The following ARMC2 variants were observed in gnomAD, a reference collection of about 807,000 sequenced individuals.
The protein encoded by ARMC2 is armadillo repeat containing 2.
Under a neutral mutation model 90.3 loss-of-function variants are expected in ARMC2, and 67 were observed. The ratio of observed to expected loss-of-function variants is 0.74; its 90% CI spans 0.61 to 0.91. The LOEUF (loss-of-function observed/expected upper bound fraction) is 0.91. Among genes scored for constraint, ARMC2 ranks in the 40% least tolerant of loss-of-function variants. The pLI is 0.00. For synonymous variants in ARMC2, 393 were observed against 393.0 expected (o/e 1.00, Z 0.00); for missense variants, 920 against 1,030.9 (o/e 0.89, Z 1.47).
the ARMC2 span, among the ~76,000 whole-genome samples, chr6:108,979,921 G>T: frequency 3.3e-5 from 5 of 151,734 alleles, no homozygotes; most frequent in Non-Finnish European, 7.4e-5. Context: ...TAGCTTACTT[G>T]CATTGGATTA....
chr6:108,851,133 C>A (rs1285301730), intron 1 of ARMC2, among the ~76,000 whole-genome samples: 1 of 152,172 alleles, frequency 6.6e-6, no homozygotes, highest in Non-Finnish European at 1.5e-5. Context: ...TTTGGTTCAG[C>A]CCCAATGGCC....
At chr6:108,866,186 C>T (rs1429916275) in intron 3 of ARMC2, among the ~76,000 whole-genome samples, 1 of 152,146 alleles carries the variant, frequency 6.6e-6, no homozygotes, top group Non-Finnish European at 1.5e-5. Flanking sequence ...AACCACACGT[C>T]TATCTTCAAA....
At chr6:109,009,930 C>A in the ARMC2 span, among the ~76,000 whole-genome samples, 1 of 152,082 alleles carries the variant, frequency 6.6e-6, no homozygotes, top group African/African-American at 2.4e-5. Context: ...TCTGACAGCA[C>A]CAGGAGTAAT....
At chr6:108,859,023 T>G (rs1450763180) in intron 3 of ARMC2, among the ~76,000 whole-genome samples, 1 of 152,256 alleles carries the variant, frequency 6.6e-6, no homozygotes, top group Non-Finnish European at 1.5e-5. Flanking sequence ...TTTCTCTGAC[T>G]GTGATTACAT....
chr6:109,024,582 T>C, the ARMC2 span, among the ~76,000 whole-genome samples: 1 of 152,236 alleles, frequency 6.6e-6, no homozygotes, highest in South Asian at 2.1e-4. Flanking sequence ...AATGGGGTTA[T>C]GACTCAATAA....
chr6:108,998,787 T>G, the ARMC2 span: 1 of 1,580,664 alleles, frequency 6.3e-7, no homozygotes, highest in Non-Finnish European at 8.6e-7. Flanking sequence ...AATATATTTT[T>G]GTACTGGGGT....
intron 4 of ARMC2, among the ~76,000 whole-genome samples, chr6:108,870,784 C>G (rs1776327231): frequency 6.6e-6 from 1 of 152,146 alleles, no homozygotes; most frequent in Admixed American, 6.6e-5. Flanking sequence ...GCCAGTCGAT[C>G]TGATATTTAT....
intron 6 of ARMC2, among the ~76,000 whole-genome samples, chr6:108,898,988 C>T (rs1339699921): frequency 1.3e-5 from 2 of 152,222 alleles, no homozygotes; most frequent in Non-Finnish European, 2.9e-5. Context: ...TAATTATATA[C>T]TGTATATTGC....
At chr6:109,025,852 A>G in the ARMC2 span, among the ~76,000 whole-genome samples, 1 of 152,122 alleles carries the variant, frequency 6.6e-6, no homozygotes, top group Non-Finnish European at 1.5e-5. Context: ...TCTAATACAT[A>G]TATAATTGGA....
the ARMC2 span, among the ~76,000 whole-genome samples, chr6:108,979,980 A>C: frequency 6.6e-6 from 1 of 151,832 alleles, no homozygotes; most frequent in Non-Finnish European, 1.5e-5. Flanking sequence ...CACCTTCTGA[A>C]GCCTATTTCT....
At chr6:109,032,881 T>G in the ARMC2 span, among the ~76,000 whole-genome samples, 1 of 152,224 alleles carries the variant, frequency 6.6e-6, no homozygotes, top group African/African-American at 2.4e-5. Context: ...TTTTTTCTTC[T>G]GCTAAAAGGG....
the ARMC2 span, among the ~76,000 whole-genome samples, chr6:109,007,048 G>C: frequency 4.1e-4 from 62 of 152,160 alleles, no homozygotes; most frequent in African/African-American, 1.5e-3. Context: ...GGTGTGGCTG[G>C]AAGATTAACA....
chr6:108,945,749 G>A (rs1176065667), intron 12 of ARMC2, among the ~76,000 whole-genome samples: 1 of 152,252 alleles, frequency 6.6e-6, no homozygotes, highest in Non-Finnish European at 1.5e-5. Context: ...AACAGTGTGG[G>A]CTGAAAGCAA....
chr6:109,029,087 C>T, the ARMC2 span, among the ~76,000 whole-genome samples: 13,985 of 152,202 alleles, frequency 0.092, 869 homozygotes, highest in Middle Eastern at 0.19. Flanking sequence ...TACTTTTCTA[C>T]CTTCTCTTCT....
intron 13 of ARMC2, among the ~76,000 whole-genome samples, chr6:108,958,537 A>G (rs1216178772): frequency 6.6e-6 from 1 of 152,150 alleles, no homozygotes; most frequent in Non-Finnish European, 1.5e-5. Flanking sequence ...AGACAATAAG[A>G]GCTACCCTGC....
At chr6:108,905,777 G>A (rs1326817997) in intron 8 of ARMC2, among the ~76,000 whole-genome samples, 2 of 152,108 alleles carry the variant, frequency 1.3e-5, no homozygotes, top group Non-Finnish European at 2.9e-5. Flanking sequence ...TGACATTGAC[G>A]GCCTTGCTGA....
the ARMC2 span, among the ~76,000 whole-genome samples, chr6:108,987,792 A>C: frequency 6.6e-6 from 1 of 150,498 alleles, no homozygotes; most frequent in Non-Finnish European, 1.5e-5. Flanking sequence ...TAAATTTCTC[A>C]AAACAGCAGC....
chr6:109,011,375 T>C, the ARMC2 span, among the ~76,000 whole-genome samples: 1 of 152,168 alleles, frequency 6.6e-6, no homozygotes, highest in African/African-American at 2.4e-5. Context: ...TGCTGCCTTA[T>C]GTGAAAAGAA....
At chr6:108,941,196 G>A (rs1251534317) in intron 12 of ARMC2, among the ~76,000 whole-genome samples, 3 of 152,192 alleles carry the variant, frequency 2.0e-5, no homozygotes, top group Non-Finnish European at 2.9e-5. Context: ...AAATTTCTCT[G>A]TGACTTCTCC....
Sources: gnomAD v4.1 joint callset for allele counts (sites outside exome capture counted in the v4.1 genomes callset) on GRCh38, gnomAD v4.1.1 for gene constraint, MANE v1.5 for transcripts, NCBI Gene and HGNC (gene_info 2026-07-23, HGNC 2026-07-21) for gene names.